Variants in INTS7 observed in about 807,000 individuals in gnomAD.
INTS7 encodes integrator complex subunit 7, also known as chromosome 1 open reading frame 73.
Under a neutral mutation model 109.2 loss-of-function variants are expected in INTS7, and 46 were observed. The ratio of observed to expected loss-of-function variants is 0.42; its 90% CI spans 0.33 to 0.54. The LOEUF (loss-of-function observed/expected upper bound fraction) is 0.54. Among genes scored for constraint, INTS7 ranks in the 20% least tolerant of loss-of-function variants. INTS7 has a pLI of 0.07. For missense variants in INTS7, 929 were observed against 1,132.4 expected (o/e 0.82, Z 2.58); for synonymous variants, 412 against 402.9 (o/e 1.02, Z -0.27).
At chr1:211,978,638 C>G in intron 10 of INTS7, 127 bp from the exon 11 acceptor site, 1 of 971,800 alleles carries the variant, frequency 1.0e-6, no homozygotes, top group Non-Finnish European at 1.5e-6. Context: ...TAACATTTTA[C>G]TTCATAAGAA....
At chr1:212,018,728 A>C (rs1558056761) in intron 3 of INTS7, among the ~76,000 whole-genome samples, 1 of 152,130 alleles carries the variant, frequency 6.6e-6, no homozygotes. Flanking sequence ...TTTTTAAAAC[A>C]ATATCTTTCT....
At chr1:211,969,636 G>A (rs1664079651) in intron 13 of INTS7, among the ~76,000 whole-genome samples, 1 of 140,336 alleles carries the variant, frequency 7.1e-6, no homozygotes, top group Non-Finnish European at 1.5e-5. Context: ...TCTCACTGCA[G>A]CCTCAACTTC....
At chr1:211,955,662 T>C (rs1663329092) in intron 16 of INTS7, among the ~76,000 whole-genome samples, 1 of 152,234 alleles carries the variant, frequency 6.6e-6, no homozygotes, top group Non-Finnish European at 1.5e-5. Flanking sequence ...CTACTATCAT[T>C]TTAATGCCTA....
intron 8 of INTS7, among the ~76,000 whole-genome samples, chr1:211,985,968 A>T (rs1211733620): frequency 1.3e-5 from 2 of 152,234 alleles, no homozygotes; most frequent in Non-Finnish European, 2.9e-5. Flanking sequence ...GTTGTTTATA[A>T]AGAAGGCTGT....
chr1:211,953,048 A>T (rs1663179358), intron 16 of INTS7, among the ~76,000 whole-genome samples: 1 of 152,226 alleles, frequency 6.6e-6, no homozygotes, highest in South Asian at 2.1e-4. Context: ...GCTCCAAACC[A>T]TCCATAAAGA....
chr1:212,025,982 C>T (rs528840389), intron 1 of INTS7, among the ~76,000 whole-genome samples: 1 of 152,082 alleles, frequency 6.6e-6, no homozygotes, highest in Admixed American at 6.5e-5. Flanking sequence ...ATGGTAAAAC[C>T]CCGTTTAAAT....
rs1558066143 is a variant in INTS7, at chr1:212,035,541, C to T, written c.-104G>A. On this transcript the variant is annotated 5_prime_UTR_variant, in exon 1 of 20. Transcript: ENST00000366994. ...TTCTTGCTGGTTTTTCTTCCGCGCG[C>T]TGTCAAGCCCTGTTACGCATGCGCC... 7.6e-6 allele frequency: 7 copies of T among 923,920 alleles called. No homozygotes were observed. The East Asian group carries it at 1.7e-4, about 23-fold the overall frequency. 57.2% of individuals were successfully genotyped at this position (923,920 alleles called of 1,614,324 possible).
At chr1:211,975,502 T>C in intron 12 of INTS7, 130 bp from the exon 13 acceptor site, 1 of 654,146 alleles carries the variant, frequency 1.5e-6, no homozygotes. Context: ...TCATTCCTCA[T>C]ATTATGTAAT....
chr1:212,011,174 G>A (rs925877062), intron 5 of INTS7, among the ~76,000 whole-genome samples: 1 of 152,170 alleles, frequency 6.6e-6, no homozygotes, highest in Non-Finnish European at 1.5e-5. Context: ...CCTGACTAGA[G>A]TGTAGGTTAG....
At chr1:211,992,574 T>C (rs1276949048) in intron 7 of INTS7, among the ~76,000 whole-genome samples, 1 of 152,152 alleles carries the variant, frequency 6.6e-6, no homozygotes. Flanking sequence ...TCCTAGCTAC[T>C]TGGGAGGCTG....
At chr1:212,027,967 T>C (rs535263257) in intron 1 of INTS7, among the ~76,000 whole-genome samples, 2 of 152,266 alleles carry the variant, frequency 1.3e-5, no homozygotes, top group African/African-American at 2.4e-5. Flanking sequence ...GCTGGGATTA[T>C]AGGCGTGCAC....
chr1:212,020,534 A>G (rs539564964), intron 2 of INTS7, among the ~76,000 whole-genome samples: 5 of 152,242 alleles, frequency 3.3e-5, no homozygotes, highest in African/African-American at 9.6e-5. Flanking sequence ...TCCTCAAACT[A>G]TATTATAACC....
At chr1:211,988,429 A>C (rs1664994800) in intron 7 of INTS7, among the ~76,000 whole-genome samples, 1 of 151,884 alleles carries the variant, frequency 6.6e-6, no homozygotes, top group Non-Finnish European at 1.5e-5. Context: ...CTCAAAAAAA[A>C]AAAAACAAAA....
chr1:211,987,825 C>T (rs1338357715), intron 8 of INTS7, 61 bp downstream of exon 8: 2 of 934,032 alleles, frequency 2.1e-6, no homozygotes, highest in African/African-American at 1.7e-5. Flanking sequence ...CAACCTGAAA[C>T]ATAAATATGG....
intron 7 of INTS7, among the ~76,000 whole-genome samples, chr1:212,004,401 GATAT>G (rs944612069): frequency 3.3e-5 from 5 of 152,040 alleles, no homozygotes; most frequent in Non-Finnish European, 7.4e-5. Context: ...GAAACATAAA[GATAT>G]ATAAAGATTG....
intron 4 of INTS7, among the ~76,000 whole-genome samples, chr1:212,015,112 C>T (rs532567515): frequency 1.3e-3 from 196 of 149,106 alleles, no homozygotes; most frequent in African/African-American, 4.7e-3. Context: ...CCCGGGCAGC[C>T]GCCCCGTCCG....
chr1:211,990,000 A>G (rs75651594), intron 7 of INTS7, among the ~76,000 whole-genome samples: 2,270 of 152,310 alleles, frequency 0.015, 27 homozygotes, highest in Non-Finnish European at 0.024. Context: ...AAGTTTGATA[A>G]TACATAACAC....
chr1:211,983,846 T>C (rs1299365224), intron 8 of INTS7, among the ~76,000 whole-genome samples: 1 of 121,280 alleles, frequency 8.2e-6, no homozygotes, highest in African/African-American at 2.5e-5. Context: ...TTTTTGTTTG[T>C]TTTGTTTTGT....
At chr1:212,005,175 A>G (rs1044736882) in intron 7 of INTS7, among the ~76,000 whole-genome samples, 1 of 152,214 alleles carries the variant, frequency 6.6e-6, no homozygotes, top group African/African-American at 2.4e-5. Context: ...GGGATAGTAC[A>G]TTACAATTAA....
Sources: allele counts gnomAD v4.1 joint callset (sites outside exome capture counted in the v4.1 genomes callset), GRCh38; gene constraint gnomAD v4.1.1; transcripts MANE v1.5; gene names NCBI Gene and HGNC (gene_info 2026-07-23, HGNC 2026-07-21).